The following ENTPD5 variants were observed in gnomAD, a reference collection of about 807,000 sequenced individuals.
The protein encoded by ENTPD5 is ectonucleoside triphosphate diphosphohydrolase 5 (inactive), also known as nucleoside diphosphate phosphatase ENTPD5.
In ENTPD5, 49 loss-of-function variants were observed where a neutral mutation model predicts 60.2. The ratio of observed to expected loss-of-function variants is 0.81; its 90% CI spans 0.65 to 1.03. The LOEUF (loss-of-function observed/expected upper bound fraction) is 1.03, where lower values mean the gene tolerates loss of function less well. Ranked by LOEUF, ENTPD5 falls within the 50% of genes least tolerant of loss-of-function variation. ENTPD5 has a pLI of 0.00. For synonymous variants in ENTPD5, 187 were observed against 185.4 expected (o/e 1.01, Z -0.07); for missense variants, 480 against 507.6 (o/e 0.95, Z 0.52).
chr14:73,980,089 G>C (rs1446550541), intron 6 of ENTPD5, among the ~76,000 whole-genome samples: 3 of 151,574 alleles, frequency 2.0e-5, no homozygotes, highest in Admixed American at 1.3e-4. Context: ...TGGGATTACA[G>C]ATGCCTGCCA....
chr14:73,959,112 T>G, downstream of ENTPD5: 1 of 1,614,184 alleles, frequency 6.2e-7, no homozygotes. Context: ...GGGACTTTAT[T>G]CATAGGCACT....
chr14:73,987,280 C>T (rs2057942870), intron 4 of ENTPD5: 1 of 620,942 alleles, frequency 1.6e-6, no homozygotes, highest in African/African-American at 1.8e-5. Context: ...ATTATGGATC[C>T]CTGGAGTATC....
rs1401459031 is a variant in ENTPD5, at chr14:73,964,359, GA to G, written c.*2568del. On this transcript the variant is annotated 3_prime_UTR_variant, in exon 16 of 16. Transcript: ENST00000334696. ...TACTGCAGGCAGGATGGGCGTTACA[GA>G]AAAAAATAAAAACTCTCATTCCAAA... 1 of 152,112 alleles carries G rather than the reference GA, an allele frequency of 6.6e-6. No individual in the cohort carries two copies. The highest frequency in any genetic ancestry group is 1.9e-4 in the East Asian group (1 of 5,202). The allele number at this position is 152,112 out of a possible 1,614,324, so 9.4% of individuals were successfully genotyped here. A position where few individuals can be genotyped will look rare whatever the true frequency, so the allele number is the denominator to read the frequency against.
At chr14:73,994,730 CAA>C (rs752400357) in intron 3 of ENTPD5, among the ~76,000 whole-genome samples, 10 of 123,264 alleles carry the variant, frequency 8.1e-5, no homozygotes, top group Admixed American at 8.2e-5. Flanking sequence ...GACTCCATCT[CAA>C]AAAAAAAAAA....
In ENTPD5 at chr14:73,983,121, T is replaced by A. The variant is rs2057758868; in HGVS notation, c.338A>T (p.Asp113Val). The change falls in exon 6 of 16, where the codon GAC becomes GTC. Residue 113 changes from aspartate (D) to valine (V), a missense_variant. Transcript: ENST00000334696. ...TVQGLLEVAK[D>V]SIPRSHWKKT... Reference sequence around the variant, plus strand: ...TTTCCAGTGACTTCGGGGGATTGAGTCTTTGGCCACCTCTAAGAGCCCTTG... The same window carrying A: ...TTTCCAGTGACTTCGGGGGATTGAGACTTTGGCCACCTCTAAGAGCCCTTG... The A allele has an allele frequency of 6.2e-7, 1 of 1,613,976 alleles. No individual in the cohort carries two copies. Among genetic ancestry groups the A allele is most frequent in the Non-Finnish European group, 8.5e-7 (1 of 1,180,006 alleles).
chr14:73,987,826 T>C (rs1047440500), intron 4 of ENTPD5, 60 bp downstream of exon 4: 2 of 1,485,342 alleles, frequency 1.3e-6, no homozygotes, highest in Non-Finnish European at 1.9e-6. Context: ...TATTTGTTTC[T>C]GGGAGGAGAT....
At chr14:73,976,964 C>T in intron 8 of ENTPD5, 60 bp downstream of exon 8, 1 of 1,365,156 alleles carries the variant, frequency 7.3e-7, no homozygotes, top group Non-Finnish European at 1.0e-6. Flanking sequence ...GGCTTTTACT[C>T]CTCTGACTAT....
At chr14:73,990,541 C>T (rs1161358384) in intron 3 of ENTPD5, among the ~76,000 whole-genome samples, 2 of 151,766 alleles carry the variant, frequency 1.3e-5, no homozygotes, top group Admixed American at 6.6e-5. Flanking sequence ...GCCATATTGC[C>T]CTGGCTGGTC....
chr14:73,972,679 TA>T (rs11320515), intron 13 of ENTPD5, among the ~76,000 whole-genome samples: 101,342 of 150,308 alleles, frequency 0.67, 34,086 homozygotes, highest in South Asian at 0.77. Flanking sequence ...ATAAACATGT[TA>T]AAAAAAAAAA....
At chr14:73,984,811 C>T (rs1328125478) in intron 5 of ENTPD5, among the ~76,000 whole-genome samples, 1 of 151,988 alleles carries the variant, frequency 6.6e-6, no homozygotes, top group Non-Finnish European at 1.5e-5. Flanking sequence ...TTGTTTGTTA[C>T]ATATGCATAC....
chr14:73,958,404 G>C (rs753596080), downstream of ENTPD5: 1 of 1,537,732 alleles, frequency 6.5e-7, no homozygotes, highest in African/African-American at 1.4e-5. Context: ...ATGAGGACCA[G>C]TACCTATTCA....
Position 73,966,714 on chromosome 14 carries a change from C to G in ENTPD5, c.*214G>C, listed in dbSNP as rs750480685. On this transcript the variant is annotated 3_prime_UTR_variant, in exon 16 of 16. Coordinates refer to ENST00000334696, the MANE Select transcript of ENTPD5 (RefSeq NM_001249.5). ...TCCAAGGTTAAGTTCCAAAACTATA[C>G]TTTTTGGCTCACAGGGCTCTCTGTG... 1.3e-5 allele frequency: 6 copies of G among 449,546 alleles called. No homozygotes were observed. Among genetic ancestry groups the G allele is most frequent in the African/African-American group, 8.1e-5 (4 of 49,482 alleles). The allele number at this position is 449,546 out of a possible 1,614,324, so 27.8% of individuals were successfully genotyped here. A position where few individuals can be genotyped will look rare whatever the true frequency, so the allele number is the denominator to read the frequency against.
downstream of ENTPD5, chr14:73,959,856 C>T: frequency 7.8e-7 from 1 of 1,277,778 alleles, no homozygotes; most frequent in Non-Finnish European, 1.0e-6. Flanking sequence ...AGGCGTGAGC[C>T]ACTGCACCCA....
chr14:73,991,108 G>T (rs1017790894), intron 3 of ENTPD5, among the ~76,000 whole-genome samples: 1 of 152,144 alleles, frequency 6.6e-6, no homozygotes, highest in African/African-American at 2.4e-5. Context: ...TGCTTTACTA[G>T]CAACTTTTTT....
intron 1 of ENTPD5, among the ~76,000 whole-genome samples, chr14:74,018,096 C>T (rs541759871): frequency 1.3e-5 from 2 of 151,088 alleles, no homozygotes; most frequent in Non-Finnish European, 2.9e-5. Context: ...GCAGGAGAAT[C>T]GCTTGAACCA....
chr14:73,989,931 T>G (rs1271133196), intron 3 of ENTPD5, among the ~76,000 whole-genome samples: 1 of 151,164 alleles, frequency 6.6e-6, no homozygotes, highest in Non-Finnish European at 1.5e-5. Context: ...CACTTGAACC[T>G]GGGAAGCTAA....
chr14:73,959,641 C>T (rs2056617618), downstream of ENTPD5: 3 of 1,546,846 alleles, frequency 1.9e-6, no homozygotes, highest in African/African-American at 1.4e-5. Flanking sequence ...GATCTTGGCT[C>T]ACTGTGCAAT....
downstream of ENTPD5, chr14:73,955,893 T>A (rs1027491946): frequency 1.9e-6 from 3 of 1,614,066 alleles, no homozygotes; most frequent in Non-Finnish European, 2.5e-6. Context: ...GATGTCATCA[T>A]GCATGCTCTC....
At chr14:74,014,968 G>C (rs1332881297) in intron 2 of ENTPD5, among the ~76,000 whole-genome samples, 1 of 151,916 alleles carries the variant, frequency 6.6e-6, no homozygotes, top group Non-Finnish European at 1.5e-5. Context: ...TGTAATCCCA[G>C]CTACTCGGGA....
Sources: allele counts gnomAD v4.1 joint callset (sites outside exome capture counted in the v4.1 genomes callset), GRCh38; gene constraint gnomAD v4.1.1; transcripts MANE v1.5; gene names NCBI Gene and HGNC (gene_info 2026-07-23, HGNC 2026-07-21).